The following C3orf70 variants were observed in gnomAD, a reference collection of about 807,000 sequenced individuals.
C3orf70 encodes UPF0524 protein C3orf70.
In C3orf70, 15 loss-of-function variants were observed where a neutral mutation model predicts 20.7. That is an observed-to-expected ratio of 0.72 (90% CI 0.48 to 1.11). The LOEUF is 1.11. Among genes scored for constraint, C3orf70 ranks in the 50% most tolerant of loss-of-function variants. C3orf70 has a pLI of 0.00. For synonymous variants in C3orf70, 161 were observed against 125.7 expected (o/e 1.28, Z -1.88); for missense variants, 332 against 317.6 (o/e 1.05, Z -0.34).
At chr3:185,146,790 T>C (rs1399922244) in intron 1 of C3orf70, among the ~76,000 whole-genome samples, 1 of 152,194 alleles carries the variant, frequency 6.6e-6, no homozygotes, top group Non-Finnish European at 1.5e-5. Flanking sequence ...TTTGTGAGTT[T>C]TCCTAGAGTT....
chr3:185,091,312 G>T (rs996934707), intron 1 of C3orf70, among the ~76,000 whole-genome samples: 1 of 152,104 alleles, frequency 6.6e-6, no homozygotes, highest in East Asian at 1.9e-4. Context: ...GGGTTAGACA[G>T]TCGATCAAAA....
rs532400552 is a variant in C3orf70 at position 185,107,673 on chromosome 3, C to T, written c.197-24110G>A. 6.6e-5 allele frequency among the ~76,000 whole-genome samples: 10 copies of T among 152,246 alleles called. No homozygotes were observed. In the South Asian group the frequency reaches 1.0e-3, roughly 16 times the overall value. ...TTAGAAAATGGGCACATAGCTCCAACATTTTCCCCTTGGAATTCTCCAGTT... is the reference window on the plus strand; with the variant it reads ...TTAGAAAATGGGCACATAGCTCCAATATTTTCCCCTTGGAATTCTCCAGTT... On this transcript the variant is annotated intron_variant, in intron 1 of 1. Coordinates refer to ENST00000335012, the MANE Select transcript of C3orf70 (RefSeq NM_001025266.3).
At chr3:185,135,791 T>A (rs1306821069) in intron 1 of C3orf70, among the ~76,000 whole-genome samples, 1 of 151,800 alleles carries the variant, frequency 6.6e-6, no homozygotes, top group Non-Finnish European at 1.5e-5. Flanking sequence ...AATAAAAAAT[T>A]AAATCGAATT....
At chr3:185,133,332 G>A (rs537945953) in intron 1 of C3orf70, among the ~76,000 whole-genome samples, 1 of 152,298 alleles carries the variant, frequency 6.6e-6, no homozygotes, top group Admixed American at 6.5e-5. Context: ...CTTTAAAGAT[G>A]TACCTCCCCA....
chr3:185,150,316 A>G (rs1222750899), intron 1 of C3orf70, among the ~76,000 whole-genome samples: 1 of 152,232 alleles, frequency 6.6e-6, no homozygotes, highest in Non-Finnish European at 1.5e-5. Flanking sequence ...ACTTTTATGA[A>G]CATGTACTGT....
intron 1 of C3orf70, among the ~76,000 whole-genome samples, chr3:185,147,194 A>G (rs1716894361): frequency 6.6e-6 from 1 of 151,950 alleles, no homozygotes; most frequent in African/African-American, 2.4e-5. Context: ...TTTCAACCTG[A>G]AACAGAATCT....
At chr3:185,119,557 T>A (rs1163597810) in intron 1 of C3orf70, among the ~76,000 whole-genome samples, 1 of 152,092 alleles carries the variant, frequency 6.6e-6, no homozygotes, top group Non-Finnish European at 1.5e-5. Flanking sequence ...GTATACTATA[T>A]CTCATTACAT....
intron 1 of C3orf70, among the ~76,000 whole-genome samples, chr3:185,120,172 C>T (rs1447752688): frequency 6.6e-6 from 1 of 152,090 alleles, no homozygotes; most frequent in Non-Finnish European, 1.5e-5. Context: ...ACATTTCTGT[C>T]TAACGGTGAA....
Position 185,079,280 on chromosome 3 carries a change from C to CAAAAAAAAAAAAAAAAAAAAA in C3orf70, c.*3706_*3726dup, listed in dbSNP as rs60241057. On this transcript the variant is annotated 3_prime_UTR_variant, in exon 2 of 2. Transcript: ENST00000335012. ...TGGGTGAAGGAGCGAGACTCTGTCT[C>CAAAAAAAAAAAAAAAAAAAAA]AAAAAAAAAAAAAAAAAAAAAAAAG... The CAAAAAAAAAAAAAAAAAAAAA allele has an allele frequency of 4.0e-5, 2 of 50,632 alleles. No individual in the cohort carries two copies. Among genetic ancestry groups the CAAAAAAAAAAAAAAAAAAAAA allele is most frequent in the Admixed American group, 2.1e-4 (1 of 4,736 alleles). The allele number at this position is 50,632 out of a possible 1,614,324, so 3.1% of individuals were successfully genotyped here. A position where few individuals can be genotyped will look rare whatever the true frequency, so the allele number is the denominator to read the frequency against.
At chr3:185,132,131 C>T (rs9862590) in intron 1 of C3orf70, among the ~76,000 whole-genome samples, 7,841 of 152,110 alleles carry the variant, frequency 0.052, 655 homozygotes, top group African/African-American at 0.18. Flanking sequence ...AAAGCAAATC[C>T]GATCTGAAGG....
At position 185,152,663 on chromosome 3, in the gene C3orf70, T is replaced by C. The variant is rs772287044; in HGVS notation, c.161A>G (p.Lys54Arg). 6 of 1,591,152 alleles carry C rather than the reference T, an allele frequency of 3.8e-6. No individual in the cohort carries two copies. Among genetic ancestry groups the C allele is most frequent in the Non-Finnish European group, 5.1e-6 (6 of 1,168,984 alleles). Residue 54 changes from lysine (K) to arginine (R), a missense_variant, in exon 1 of 2, where the codon AAG (lysine) becomes AGG (arginine). Transcript: ENST00000335012. ...TCCTAGGTGACAGCACCAGTGCAGC[T>C]TGAAGCACTTGCCATGGCTGTGCGT... ...CATHSHGKCF[K>R]LHWCCHLGWC... is the part of the protein sequence containing the mutation.
chr3:185,139,234 A>G (rs2108605334), intron 1 of C3orf70, among the ~76,000 whole-genome samples: 1 of 151,832 alleles, frequency 6.6e-6, no homozygotes, highest in East Asian at 1.9e-4. Flanking sequence ...GAAGACAATG[A>G]CGACGAGAGA....
intron 1 of C3orf70, among the ~76,000 whole-genome samples, chr3:185,086,870 T>C (rs533097096): frequency 5.3e-5 from 8 of 152,332 alleles, no homozygotes; most frequent in African/African-American, 1.9e-4. Flanking sequence ...CTTTGAAATA[T>C]CAATCATTAC....
rs534443625 is a variant in C3orf70 at position 185,153,034 on chromosome 3, C to A, written c.-211G>T. 5.8e-6 allele frequency: 1 copy of A among 172,482 alleles called. No homozygotes were observed. Among genetic ancestry groups the A allele is most frequent in the Admixed American group, 6.4e-5 (1 of 15,520 alleles). 10.7% of individuals were successfully genotyped at this position (172,482 alleles called of 1,614,324 possible). On this transcript the variant is annotated 5_prime_UTR_variant, in exon 1 of 2. Transcript: ENST00000335012. The surrounding 1 kb of genome is among the most constrained non-coding windows in gnomAD (Gnocchi z 6.8). Reference sequence around the variant, plus strand: ...CGGGTCCGGGCTGGCAGCCTCCCTCCCTCCGGCGCGGCGCGCGCCGCGCCC... The same window carrying A: ...CGGGTCCGGGCTGGCAGCCTCCCTCACTCCGGCGCGGCGCGCGCCGCGCCC...
rs1553918800 is a variant in C3orf70 at position 185,079,293 on chromosome 3, A to AGAAATAAAATAAAAT, written c.*3713_*3714insATTTTATTTTATTTC. The AGAAATAAAATAAAAT allele has an allele frequency of 9.3e-5, 14 of 150,360 alleles. No individual in the cohort carries two copies. The highest frequency in any genetic ancestry group is 3.4e-4 in the African/African-American group (14 of 40,788). The allele number at this position is 150,360 out of a possible 1,614,324, so 9.3% of individuals were successfully genotyped here. On this transcript the variant is annotated 3_prime_UTR_variant, in exon 2 of 2. Coordinates refer to ENST00000335012, the MANE Select transcript of C3orf70 (RefSeq NM_001025266.3). ...GAGACTCTGTCTCAAAAAAAAAAAA[A>AGAAATAAAATAAAAT]AAAAAAAAAAAGTAAAGCCACCACT...
intron 1 of C3orf70, among the ~76,000 whole-genome samples, chr3:185,118,956 G>A (rs1716237532): frequency 6.6e-6 from 1 of 152,204 alleles, no homozygotes; most frequent in South Asian, 2.1e-4. Context: ...CGATGGTAAT[G>A]ATGTCTGTAA....
At chr3:185,123,745 A>T (rs1310989208) in intron 1 of C3orf70, among the ~76,000 whole-genome samples, 1 of 152,110 alleles carries the variant, frequency 6.6e-6, no homozygotes, top group Non-Finnish European at 1.5e-5. Context: ...AATATATATT[A>T]TTGCCTATTT....
rs541642644 is a variant in C3orf70, at chr3:185,092,007, C to T, written c.197-8444G>A. Among the ~76,000 whole-genome samples the T allele has an allele frequency of 2.3e-5, 3 of 132,404 alleles. No individual in the cohort carries two copies. In the East Asian group the frequency reaches 7.0e-4, roughly 31 times the overall value. 86.9% of individuals were successfully genotyped at this position (132,404 alleles called of 152,430 possible). ...AGAGACAGGGTTTCACTATGTTGGC[C>T]AGGCTGGTCTTGAACTCCTGACCTC... On this transcript the variant is annotated intron_variant, in intron 1 of 1. Transcript: ENST00000335012.
At chr3:185,148,326 A>C (rs1577337125) in intron 1 of C3orf70, among the ~76,000 whole-genome samples, 1 of 152,184 alleles carries the variant, frequency 6.6e-6, no homozygotes, top group Non-Finnish European at 1.5e-5. Context: ...TAGATTCATG[A>C]CCTTCCTCCC....
Sources: allele counts gnomAD v4.1 joint callset (sites outside exome capture counted in the v4.1 genomes callset), GRCh38; gene constraint gnomAD v4.1.1; non-coding constraint Gnocchi (gnomAD v3.1); transcripts MANE v1.5; gene names NCBI Gene and HGNC (gene_info 2026-07-23, HGNC 2026-07-21).